Variants in CHRM3 observed in about 807,000 individuals in gnomAD.
The protein encoded by CHRM3 is cholinergic receptor muscarinic 3.
A neutral mutation model predicts 41.8 loss-of-function variants in CHRM3; 11 were observed. The ratio of observed to expected loss-of-function variants is 0.26; its 90% CI spans 0.17 to 0.44. CHRM3 has a LOEUF of 0.44. CHRM3 is among the 20% of genes least tolerant of loss of function. The pLI is 1.00. For missense variants in CHRM3, 571 were observed against 745.4 expected (o/e 0.77, Z 2.72); for synonymous variants, 297 against 301.4 (o/e 0.99, Z 0.15).
At chr1:239,497,858 A>T (rs1667984639) in intron 2 of CHRM3, among the ~76,000 whole-genome samples, 1 of 152,220 alleles carries the variant, frequency 6.6e-6, no homozygotes, top group African/African-American at 2.4e-5. Context: ...CTGCCATGTC[A>T]CTCATTAGAT....
intron 4 of CHRM3, among the ~76,000 whole-genome samples, chr1:239,636,964 A>C (rs183389523): frequency 6.6e-6 from 1 of 152,306 alleles, no homozygotes; most frequent in East Asian, 1.9e-4. Flanking sequence ...ATTGGATAGG[A>C]TTTTGGAGTA....
chr1:239,495,469 C>G (rs769329790), intron 2 of CHRM3, among the ~76,000 whole-genome samples: 1 of 152,210 alleles, frequency 6.6e-6, no homozygotes, highest in Non-Finnish European at 1.5e-5. Context: ...TTGAGCCACT[C>G]TCTCAGTTTA....
At chr1:239,868,121 C>T (rs1268304195) in intron 6 of CHRM3, among the ~76,000 whole-genome samples, 3 of 152,266 alleles carry the variant, frequency 2.0e-5, no homozygotes, top group East Asian at 1.9e-4. Flanking sequence ...GAAAGAAAGG[C>T]GAAACTCTGA....
intron 5 of CHRM3, among the ~76,000 whole-genome samples, chr1:239,710,160 C>A (rs1035259560): frequency 6.6e-6 from 1 of 152,112 alleles, no homozygotes; most frequent in African/African-American, 2.4e-5. Flanking sequence ...AAACAAATAA[C>A]AGTCTTTTCA....
intron 4 of CHRM3, among the ~76,000 whole-genome samples, chr1:239,638,683 G>A (rs1320359788): frequency 6.6e-6 from 1 of 152,040 alleles, no homozygotes; most frequent in African/African-American, 2.4e-5. Flanking sequence ...AGATGAGTAG[G>A]TTGCGAAAAT....
At chr1:239,644,033 G>T (rs1229029612) in intron 4 of CHRM3, among the ~76,000 whole-genome samples, 3 of 152,172 alleles carry the variant, frequency 2.0e-5, no homozygotes, top group Non-Finnish European at 4.4e-5. Context: ...TATGTTTAAA[G>T]ATTCTAACAG....
At chr1:239,700,542 G>A (rs1386563172) in intron 5 of CHRM3, among the ~76,000 whole-genome samples, 1 of 152,064 alleles carries the variant, frequency 6.6e-6, no homozygotes, top group Non-Finnish European at 1.5e-5. Context: ...TCAGAACTTT[G>A]AAAAGCGCTA....
intron 1 of CHRM3, among the ~76,000 whole-genome samples, chr1:239,409,162 G>T (rs1660876820): frequency 6.6e-6 from 1 of 152,064 alleles, no homozygotes; most frequent in Non-Finnish European, 1.5e-5. Flanking sequence ...TTGAGCAGCT[G>T]CCAAGGCCAG....
chr1:239,908,783 C>T lies in CHRM3; in HGVS notation c.1332C>T (p.Asn444=), dbSNP rs1014297498. Residue 444 remains asparagine, a synonymous_variant, in exon 7 of 7, where the codon AAC becomes AAT. Coordinates refer to ENST00000676153, the MANE Select transcript of CHRM3 (RefSeq NM_001375978.1). This position sits in a 1 kb window ranked among gnomAD's most constrained non-coding sequence, Gnocchi z 7.2. ...ACACAGCTAAGACTTCTGACGTCAA[C>T]TCCTCAGTGGGTAAGAGCACGGCCA... ...AVDTAKTSDV[N]SSVGKSTATL... 5.6e-6 allele frequency: 9 copies of T among 1,614,026 alleles called. No homozygotes were observed. The highest frequency in any genetic ancestry group is 1.1e-5 in the South Asian group (1 of 91,086).
intron 4 of CHRM3, among the ~76,000 whole-genome samples, chr1:239,661,859 T>A (rs2149013726): frequency 6.6e-6 from 1 of 152,222 alleles, no homozygotes; most frequent in South Asian, 2.1e-4. Flanking sequence ...ATAACAAATA[T>A]GCTACATTAA....
At chr1:239,527,399 C>G (rs942911284) in intron 2 of CHRM3, among the ~76,000 whole-genome samples, 1 of 152,122 alleles carries the variant, frequency 6.6e-6, no homozygotes, top group African/African-American at 2.4e-5. Context: ...CTTACAAAGT[C>G]TATTCCTGAC....
intron 3 of CHRM3, chr1:239,628,962 T>C (rs1236612171): frequency 1.7e-5 from 1 of 59,174 alleles, no homozygotes; most frequent in Non-Finnish European, 3.3e-5. Flanking sequence ...TTTGTTTGTC[T>C]GTGCCCTGCC....
intron 4 of CHRM3, among the ~76,000 whole-genome samples, chr1:239,656,171 G>T (rs934448363): frequency 1.3e-5 from 2 of 151,954 alleles, no homozygotes; most frequent in African/African-American, 4.8e-5. Context: ...AAGGAAGGGG[G>T]GGAAAGGGTT....
At chr1:239,524,121 C>T (rs1227907669) in intron 2 of CHRM3, among the ~76,000 whole-genome samples, 2 of 152,148 alleles carry the variant, frequency 1.3e-5, no homozygotes, top group African/African-American at 4.8e-5. Flanking sequence ...CTTTTGAAAA[C>T]CCCATAACCT....
chr1:239,629,480 G>A (rs528743399), intron 3 of CHRM3: 7 of 154,588 alleles, frequency 4.5e-5, no homozygotes, highest in African/African-American at 1.5e-4. Flanking sequence ...CTCACGCTGG[G>A]AGCTGTAGAC....
intron 3 of CHRM3, among the ~76,000 whole-genome samples, chr1:239,589,231 G>C (rs1558345176): frequency 6.6e-6 from 1 of 152,102 alleles, no homozygotes; most frequent in East Asian, 1.9e-4. Context: ...ACTGTGCCCA[G>C]TCTGAAACAT....
In CHRM3 at chr1:239,878,904, G is replaced by A. The variant is rs115317704; in HGVS notation, c.-19-28529G>A. The stretch of plus-strand genomic sequence containing the variant: ...GGAGGAAGGGCTCCAGCAGCATCTC[G>A]CTGGGGTTGACCAGGTGGCCATGGA... On this transcript the variant is annotated intron_variant, in intron 6 of 6. Transcript: ENST00000676153. Among the ~76,000 whole-genome samples the A allele has an allele frequency of 7.1e-3, 1,086 of 152,294 alleles. 4 individuals carry two copies. Among genetic ancestry groups the A allele is most frequent in the Non-Finnish European group, 0.011 (731 of 68,020 alleles).
At position 239,464,005 on chromosome 1, in the gene CHRM3, G is replaced by A. The variant is rs1397325626; in HGVS notation, c.-520-28704G>A. ...AAAAGTTCAGTTCTCGGCCAGGCAT[G>A]GTGGCTCACGCCTGTAATCTCAGCA... On this transcript the variant is annotated intron_variant, in intron 1 of 6. Transcript: ENST00000676153. Among the ~76,000 whole-genome samples the A allele has an allele frequency of 2.0e-5, 3 of 152,144 alleles. 1 individual carries two copies. The highest frequency in any genetic ancestry group is 2.0e-4 in the Admixed American group (3 of 15,274).
chr1:239,520,617 C>A (rs1292258250), intron 2 of CHRM3, among the ~76,000 whole-genome samples: 1 of 152,164 alleles, frequency 6.6e-6, no homozygotes, highest in East Asian at 1.9e-4. Context: ...AACCTCTTTT[C>A]TTTGTAAATT....
Sources: gnomAD v4.1 joint callset for allele counts (sites outside exome capture counted in the v4.1 genomes callset) on GRCh38, gnomAD v4.1.1 for gene constraint, Gnocchi (gnomAD v3.1) non-coding constraint, MANE v1.5 for transcripts, NCBI Gene and HGNC (gene_info 2026-07-23, HGNC 2026-07-21) for gene names.